ECD: variants seen among roughly 807,000 people sequenced by gnomAD.
ECD encodes protein ecdysoneless homolog.
ECD carries 59 observed loss-of-function variants against 77.2 expected under a neutral mutation model. That is an observed-to-expected ratio of 0.76 (90% CI 0.62 to 0.95). The LOEUF (loss-of-function observed/expected upper bound fraction) is 0.95. ECD is among the 40% of genes least tolerant of loss of function. ECD has a pLI of 0.00. For synonymous variants in ECD, 233 were observed against 267.4 expected (o/e 0.87, Z 1.26); for missense variants, 704 against 763.4 (o/e 0.92, Z 0.92).
chr10:73,160,240 C>T (rs1244583934), intron 3 of ECD, among the ~76,000 whole-genome samples, 194 bp downstream of exon 3: 1 of 150,346 alleles, frequency 6.7e-6, no homozygotes, highest in Non-Finnish European at 1.5e-5. Context: ...GAGCCAAGAT[C>T]ACACCACTGC....
chr10:73,155,594 C>A (rs1589119621), intron 5 of ECD, among the ~76,000 whole-genome samples: 2 of 124,830 alleles, frequency 1.6e-5, no homozygotes, highest in Admixed American at 8.1e-5. Context: ...TAGGTTTCTA[C>A]TTTTTTTTTT....
chr10:73,136,811 C>G lies in ECD; in HGVS notation c.1597G>C (p.Ala533Pro). ...DFETHEPGEE[A>P]SLKGTLDNLK... ...TTATCAAGTGTTCCTTTCAGGGAAG[C>G]CTCTTCGCCAGGTTCGTGTGTTTCA... The change falls in exon 13 of 14, where the codon GCT becomes CCT. Residue 533 changes from alanine to proline, a missense_variant. Coordinates refer to ENST00000372979, the MANE Select transcript of ECD (RefSeq NM_007265.3). The G allele has an allele frequency of 6.2e-7, 1 of 1,614,058 alleles. No homozygotes were observed. Among genetic ancestry groups the G allele is most frequent in the Non-Finnish European group, 8.5e-7 (1 of 1,180,000 alleles).
intron 5 of ECD, among the ~76,000 whole-genome samples, chr10:73,154,806 C>T (rs1322637187): frequency 6.6e-6 from 1 of 151,720 alleles, no homozygotes; most frequent in Non-Finnish European, 1.5e-5. Context: ...TGGTGGCATA[C>T]GCCTGTAGTC....
chr10:73,147,409 G>A (rs1843144345), intron 8 of ECD, among the ~76,000 whole-genome samples: 1 of 152,152 alleles, frequency 6.6e-6, no homozygotes, highest in East Asian at 1.9e-4. Context: ...TCGGCTGGGT[G>A]TGGTAGTGTG....
intron 1 of ECD, among the ~76,000 whole-genome samples, chr10:73,164,343 C>T (rs1333976744): frequency 6.7e-6 from 1 of 149,684 alleles, no homozygotes; most frequent in Non-Finnish European, 1.5e-5. Context: ...CAGAGCAAGA[C>T]TCCAACTAAA....
chr10:73,149,344 T>C (rs968629490), intron 7 of ECD, among the ~76,000 whole-genome samples: 1 of 152,214 alleles, frequency 6.6e-6, no homozygotes, highest in African/African-American at 2.4e-5. Context: ...CTTAACATTT[T>C]TTGACTTTAT....
intron 12 of ECD, 116 bp downstream of exon 12, chr10:73,137,887 A>G (rs913122850): frequency 2.8e-6 from 2 of 716,876 alleles, no homozygotes; most frequent in African/African-American, 1.9e-5. Flanking sequence ...AGCAACTCAA[A>G]CCAGGAAGAG....
At chr10:73,142,301 G>A (rs930822248) in intron 9 of ECD, among the ~76,000 whole-genome samples, 1 of 151,936 alleles carries the variant, frequency 6.6e-6, no homozygotes, top group Non-Finnish European at 1.5e-5. Flanking sequence ...GAGCCACTGT[G>A]CCCGGCCTAT....
In ECD at chr10:73,154,480, A is replaced by C. The variant is rs548756858; in HGVS notation, c.591-32T>G. 7 of 1,564,582 alleles carry C rather than the reference A, an allele frequency of 4.5e-6. No homozygotes were observed. The South Asian group carries it at 8.2e-5, about 18-fold the overall frequency. On this transcript the variant is annotated intron_variant, in intron 5 of 13. Coordinates refer to ENST00000372979, the MANE Select transcript of ECD (RefSeq NM_007265.3). ...CAGGTAACATAATTACTTTCATTTT[A>C]CAGTATATAAATACCTATAATTCTT...
chr10:73,159,432 G>A (rs1325236709), intron 3 of ECD, among the ~76,000 whole-genome samples: 3 of 152,220 alleles, frequency 2.0e-5, no homozygotes, highest in African/African-American at 7.2e-5. Flanking sequence ...GTGTGTATGT[G>A]TATGAATGGA....
chr10:73,152,568 T>C lies in ECD; in HGVS notation c.784-147A>G, dbSNP rs1378990686. 15 of 889,958 alleles carry C rather than the reference T, an allele frequency of 1.7e-5. No individual in the cohort carries two copies. The Admixed American group carries it at 2.7e-4, about 16-fold the overall frequency. The allele number at this position is 889,958 out of a possible 1,614,324, so 55.1% of individuals were successfully genotyped here. A position where few individuals can be genotyped will look rare whatever the true frequency, so the allele number is the denominator to read the frequency against. ...AAGATTCAACCTATTCATTGCCTAC[T>C]TGTTTTTAGTAACAGCTTTATTGAG... On this transcript the variant is annotated intron_variant, in intron 6 of 13. Transcript: ENST00000372979.
chr10:73,153,690 C>T (rs1323780882), intron 6 of ECD, among the ~76,000 whole-genome samples: 1 of 129,278 alleles, frequency 7.7e-6, no homozygotes, highest in African/African-American at 2.9e-5. Context: ...GGCTCCACTA[C>T]ACTCCAGCCT....
chr10:73,149,096 T>C (rs2133259185), intron 7 of ECD, among the ~76,000 whole-genome samples: 1 of 152,322 alleles, frequency 6.6e-6, no homozygotes, highest in Middle Eastern at 3.4e-3. Flanking sequence ...AATTCATCCA[T>C]CTTACTTCAT....
intron 8 of ECD, among the ~76,000 whole-genome samples, chr10:73,147,511 T>C (rs930951446): frequency 4.0e-5 from 6 of 151,704 alleles, no homozygotes; most frequent in African/African-American, 1.5e-4. Context: ...GATTGTGCCA[T>C]TGCACTCCAG....
At chr10:73,146,775 A>G (rs971391700) in intron 8 of ECD, among the ~76,000 whole-genome samples, 4 of 151,090 alleles carry the variant, frequency 2.6e-5, no homozygotes, top group African/African-American at 9.7e-5. Context: ...TGCCTCTATG[A>G]AAAAAAAAAT....
intron 6 of ECD, among the ~76,000 whole-genome samples, chr10:73,152,780 C>T (rs371865063): frequency 6.6e-6 from 1 of 151,878 alleles, no homozygotes; most frequent in South Asian, 2.1e-4. Flanking sequence ...GGCATGGTGG[C>T]GCACGCCTCT....
At chr10:73,146,699 G>A (rs548792464) in intron 8 of ECD, among the ~76,000 whole-genome samples, 1 of 152,138 alleles carries the variant, frequency 6.6e-6, no homozygotes, top group Non-Finnish European at 1.5e-5. Context: ...CACTTTGGGA[G>A]GATGAGATGG....
intron 7 of ECD, among the ~76,000 whole-genome samples, chr10:73,150,127 T>C (rs988861415): frequency 6.6e-6 from 1 of 152,126 alleles, no homozygotes; most frequent in Non-Finnish European, 1.5e-5. Context: ...CAAACTATAC[T>C]GCAAGGCTAC....
intron 3 of ECD, among the ~76,000 whole-genome samples, chr10:73,156,951 G>GA (rs1564666399): frequency 6.7e-6 from 1 of 149,542 alleles, no homozygotes; most frequent in Non-Finnish European, 1.5e-5. Context: ...GGTTCCAAAA[G>GA]AAAAAAAAGA....
Sources: gnomAD v4.1 joint callset for allele counts (sites outside exome capture counted in the v4.1 genomes callset) on GRCh38, gnomAD v4.1.1 for gene constraint, MANE v1.5 for transcripts, NCBI Gene and HGNC (gene_info 2026-07-23, HGNC 2026-07-21) for gene names.